KLF13: variants seen among roughly 807,000 people sequenced by gnomAD.
KLF13 encodes Krueppel-like factor 13.
A neutral mutation model predicts 16.7 loss-of-function variants in KLF13; 8 were observed. That is an observed-to-expected ratio of 0.48 (90% confidence interval 0.28 to 0.87). The LOEUF (loss-of-function observed/expected upper bound fraction) is 0.87. Ranked by LOEUF, KLF13 falls within the 40% of genes least tolerant of loss-of-function variation. The probability of loss-of-function intolerance (pLI) is 0.10; values close to 1 mark genes in which losing one functional copy is unlikely to be tolerated. For synonymous variants in KLF13, 245 were observed against 208.4 expected (o/e 1.18, Z -1.51); for missense variants, 447 against 452.2 (o/e 0.99, Z 0.10).
At chr15:31,401,676 A>G (rs2040038975) in intron 2 of KLF13, among the ~76,000 whole-genome samples, 1 of 152,190 alleles carries the variant, frequency 6.6e-6, no homozygotes, top group Admixed American at 6.5e-5. Flanking sequence ...TATTGTGCCC[A>G]TTTTACAAAT....
downstream of KLF13, among the ~76,000 whole-genome samples, chr15:31,381,036 G>A (rs1465544378): frequency 3.3e-5 from 5 of 152,126 alleles, no homozygotes; most frequent in African/African-American, 1.2e-4. Flanking sequence ...GCCGGGCATG[G>A]TGGCGGGTGC....
At chr15:31,388,276 A>G (rs1192626420), upstream of KLF13, among the ~76,000 whole-genome samples, 7 of 152,184 alleles carry the variant, frequency 4.6e-5, no homozygotes, top group Non-Finnish European at 8.8e-5. Flanking sequence ...AGTTGGTGAC[A>G]GTTGTAAAAC....
At chr15:31,360,701 T>TTTG (rs796493608) in intron 1 of KLF13, among the ~76,000 whole-genome samples, 1 of 152,168 alleles carries the variant, frequency 6.6e-6, no homozygotes, top group African/African-American at 2.4e-5. Flanking sequence ...CGTTGTCTAA[T>TTTG]TTGTTGTTGT....
downstream of KLF13, among the ~76,000 whole-genome samples, chr15:31,408,160 CA>C (rs1238763312): frequency 6.6e-6 from 1 of 151,934 alleles, no homozygotes; most frequent in Non-Finnish European, 1.5e-5. Flanking sequence ...AAAACCACCA[CA>C]AAAAATAAAA....
intron 1 of KLF13, among the ~76,000 whole-genome samples, chr15:31,370,658 A>G (rs932497567): frequency 6.6e-6 from 1 of 152,012 alleles, no homozygotes; most frequent in African/African-American, 2.4e-5. Flanking sequence ...ATCTCAAGTG[A>G]TCCACCCGCC....
At chr15:31,367,486 A>G (rs926709825) in intron 1 of KLF13, among the ~76,000 whole-genome samples, 9 of 152,172 alleles carry the variant, frequency 5.9e-5, no homozygotes, top group African/African-American at 2.2e-4. Flanking sequence ...GCCTGGCACC[A>G]ACGTCCCATC....
At chr15:31,353,112 G>A (rs1037837638) in intron 1 of KLF13, among the ~76,000 whole-genome samples, 3 of 152,138 alleles carry the variant, frequency 2.0e-5, no homozygotes, top group African/African-American at 7.2e-5. Flanking sequence ...GGGCTCAAGG[G>A]TGGCTCCACA....
At chr15:31,380,070 G>A (rs1200029797), downstream of KLF13, among the ~76,000 whole-genome samples, 1 of 152,174 alleles carries the variant, frequency 6.6e-6, no homozygotes, top group Non-Finnish European at 1.5e-5. Context: ...GGCCGAGGAA[G>A]GCAGATCACC....
At chr15:31,433,134 G>A (rs949100201) in intron 1 of KLF13, among the ~76,000 whole-genome samples, 4 of 152,176 alleles carry the variant, frequency 2.6e-5, no homozygotes, top group African/African-American at 9.7e-5. Context: ...GATCTTGTTG[G>A]GTCTTGCTTT....
At chr15:31,355,845 C>G (rs2039291380) in intron 1 of KLF13, among the ~76,000 whole-genome samples, 1 of 151,904 alleles carries the variant, frequency 6.6e-6, no homozygotes, top group African/African-American at 2.4e-5. Context: ...CCCCATTTGT[C>G]CCCACACACC....
intron 2 of KLF13, among the ~76,000 whole-genome samples, chr15:31,397,874 C>CGG (rs139315375): frequency 0.032 from 2,900 of 90,316 alleles, 50 homozygotes; most frequent in African/African-American, 0.058. Context: ...GGGGTGGCGG[C>CGG]GGGGGGGGTG....
chr15:31,380,981 G>A (rs2039716699), downstream of KLF13, among the ~76,000 whole-genome samples: 1 of 152,180 alleles, frequency 6.6e-6, no homozygotes, highest in Non-Finnish European at 1.5e-5. Context: ...AGACCAGCCT[G>A]GCTAACATCA....
At chr15:31,333,534 C>T (rs2038871258) in intron 1 of KLF13, among the ~76,000 whole-genome samples, 1 of 152,056 alleles carries the variant, frequency 6.6e-6, no homozygotes, top group Non-Finnish European at 1.5e-5. Flanking sequence ...TAATATTTTG[C>T]CACATTTTTC....
chr15:31,403,376 A>C (rs1275140530), intron 2 of KLF13: 2 of 152,208 alleles, frequency 1.3e-5, no homozygotes, highest in Admixed American at 6.5e-5. Context: ...GATGCTTTAG[A>C]GGCCCCACCA....
Position 31,327,497 on chromosome 15 carries a change from C to T in KLF13, c.285C>T (p.Pro95=). The T allele has an allele frequency of 8.7e-7, 1 of 1,154,172 alleles. No homozygotes were observed. Among genetic ancestry groups the T allele is most frequent in the Non-Finnish European group, 1.1e-6 (1 of 939,430 alleles). The allele number at this position is 1,154,172 out of a possible 1,614,324, so 71.5% of individuals were successfully genotyped here. A position where few individuals can be genotyped will look rare whatever the true frequency, so the allele number is the denominator to read the frequency against. ...CCGCGGCCCGGAAGGCGAGGACCCC[C>T]TGCCGCCTGCCGCCGCCCGCCCCCG... ...EGAAARKART[P]CRLPPPAPEP... is the part of the protein sequence containing the mutation. Residue 95 remains proline, a synonymous_variant, in exon 1 of 2, where the codon CCC becomes CCT. Coordinates refer to ENST00000307145, the MANE Select transcript of KLF13 (RefSeq NM_015995.4).
At chr15:31,399,232 A>G (rs2039999513) in intron 2 of KLF13, among the ~76,000 whole-genome samples, 1 of 152,186 alleles carries the variant, frequency 6.6e-6, no homozygotes, top group Non-Finnish European at 1.5e-5. Flanking sequence ...CTGCGGCTGG[A>G]GTGCAATGGC....
At chr15:31,425,558 A>G (rs2040390642) in intron 1 of KLF13, among the ~76,000 whole-genome samples, 2 of 152,204 alleles carry the variant, frequency 1.3e-5, no homozygotes, top group Admixed American at 1.3e-4. Flanking sequence ...AGTGTGGAAG[A>G]TCTGTGGGCC....
chr15:31,327,437 G>A lies in KLF13; in HGVS notation c.225G>A (p.Ala75=). 2.4e-6 allele frequency: 3 copies of A among 1,245,986 alleles called. No homozygotes were observed. Among genetic ancestry groups the A allele is most frequent in the Middle Eastern group, 3.1e-4 (1 of 3,196 alleles). The allele number at this position is 1,245,986 out of a possible 1,614,324, so 77.2% of individuals were successfully genotyped here. ...TCCTAGCGGACCTCAACCAGCAAGC[G>A]CCGGCGCCCGCCCCGGCGGAGCGCA... ...ARILADLNQQ[A]PAPAPAERRE... The change falls in exon 1 of 2, where the codon GCG becomes GCA. Residue 75 remains alanine (A), a synonymous_variant. Coordinates refer to ENST00000307145, the MANE Select transcript of KLF13 (RefSeq NM_015995.4).
intron 1 of KLF13, among the ~76,000 whole-genome samples, chr15:31,360,269 C>T (rs559293826): frequency 1.3e-5 from 2 of 152,206 alleles, no homozygotes; most frequent in Non-Finnish European, 2.9e-5. Context: ...CACGGACATG[C>T]AGCGGGCAGG....
Sources: gnomAD v4.1 joint callset for allele counts (sites outside exome capture counted in the v4.1 genomes callset) on GRCh38, gnomAD v4.1.1 for gene constraint, MANE v1.5 for transcripts, NCBI Gene and HGNC (gene_info 2026-07-23, HGNC 2026-07-21) for gene names.